Variants in PLOD1 observed in about 807,000 individuals in gnomAD.
PLOD1 encodes the protein procollagen-lysine,2-oxoglutarate 5-dioxygenase 1.
In PLOD1, 70 loss-of-function variants were observed where a neutral mutation model predicts 94.7. The observed-to-expected ratio is 0.74, with a 90% CI of 0.61 to 0.90. The LOEUF (loss-of-function observed/expected upper bound fraction) is 0.90, where lower values mean the gene tolerates loss of function less well. PLOD1 is among the 40% of genes least tolerant of loss of function. The pLI, the probability that PLOD1 is intolerant of heterozygous loss-of-function variation, is 0.00. For synonymous variants in PLOD1, 417 were observed against 400.2 expected (o/e 1.04, Z -0.50); for missense variants, 905 against 972.7 (o/e 0.93, Z 0.93).
chr1:11,956,537 G>C (rs1305604937), intron 6 of PLOD1, among the ~76,000 whole-genome samples: 2 of 152,170 alleles, frequency 1.3e-5, no homozygotes, highest in African/African-American at 2.4e-5. Context: ...TGCCTACTCA[G>C]AGAAGGCGCG....
rs1645726756 is a variant in PLOD1, at chr1:11,954,811, G to A, written c.580-19G>A. The A allele has an allele frequency of 1.2e-6, 2 of 1,601,540 alleles. No individual in the cohort carries two copies. The highest frequency in any genetic ancestry group is 1.1e-5 in the South Asian group (1 of 90,854). On this transcript the variant is annotated intron_variant, in intron 5 of 18. Coordinates refer to ENST00000196061, the MANE Select transcript of PLOD1 (RefSeq NM_000302.4). ...CCAGGGCCTGTCCCTGCTGCAGTCT[G>A]GTACCTTCTTTCCTGCAGGAGCAGA...
At chr1:11,949,508 C>T (rs1416470366) in intron 2 of PLOD1, among the ~76,000 whole-genome samples, 1 of 152,172 alleles carries the variant, frequency 6.6e-6, no homozygotes, top group Non-Finnish European at 1.5e-5. Flanking sequence ...GAACCCCCAC[C>T]TCCCGGGTTC....
chr1:11,959,592 G>A (rs572798267), intron 9 of PLOD1, among the ~76,000 whole-genome samples: 2 of 149,806 alleles, frequency 1.3e-5, no homozygotes, highest in East Asian at 2.0e-4. Flanking sequence ...ACAGGCATGC[G>A]CCATCACAAC....
In PLOD1 at chr1:11,961,851, C is replaced by T. The variant is rs373406106; in HGVS notation, c.1097+1084C>T. Among the ~76,000 whole-genome samples the T allele has an allele frequency of 3.7e-4, 57 of 152,338 alleles. 1 individual carries two copies. The South Asian group carries it at 0.012, about 31-fold the overall frequency. On this transcript the variant is annotated intron_variant, in intron 10 of 18. Coordinates refer to ENST00000196061, the MANE Select transcript of PLOD1 (RefSeq NM_000302.4). ...TCACTCAGGCTGGAGCGCAGTGGCG[C>T]GATCTCGGCTCACTGCAACCTCCCC...
chr1:11,964,326 G>C, intron 12 of PLOD1, 26 bp downstream of exon 12: 1 of 1,530,734 alleles, frequency 6.5e-7, no homozygotes, highest in Admixed American at 1.8e-5. Context: ...GTGGGGGTGG[G>C]TGGGGGACAC....
At chr1:11,954,980 GGGCTGCTTCTTTCT>G in intron 6 of PLOD1, 87 bp downstream of exon 6, 1 of 1,057,978 alleles carries the variant, frequency 9.5e-7, no homozygotes. Context: ...GAGGAGAAAT[GGGCTGCTTCTTTCT>G]GGCCATTGTG....
At chr1:11,942,145 G>C (rs578173236) in intron 1 of PLOD1, among the ~76,000 whole-genome samples, 2 of 151,914 alleles carry the variant, frequency 1.3e-5, no homozygotes, top group East Asian at 3.9e-4. Context: ...ACCACGTCTA[G>C]CTAATTTTTG....
Position 11,970,697 on chromosome 1 carries a change from A to C in PLOD1, c.1783A>C (p.Asn595His). The change falls in exon 17 of 19, where the codon AAC (asparagine) becomes CAC (histidine). Residue 595 changes from asparagine (N) to histidine (H), a missense_variant. By Grantham distance (68) the Asn-to-His change is moderately conservative. Coordinates refer to ENST00000196061, the MANE Select transcript of PLOD1 (RefSeq NM_000302.4). ...CAACCGCATCCAGGGTGGCTACGAG[A>C]ACGTGCCGACTATTGACATCCACAT... is the stretch of plus-strand genomic sequence containing the variant. ...KDNRIQGGYE[N>H]VPTIDIHMNQ... The C allele has an allele frequency of 3.1e-6, 5 of 1,613,248 alleles. No individual in the cohort carries two copies. Among genetic ancestry groups the C allele is most frequent in the Non-Finnish European group, 4.2e-6 (5 of 1,179,922 alleles).
At position 11,967,085 on chromosome 1, in the gene PLOD1, C is replaced by T. The variant is rs1271599884; in HGVS notation, c.1749C>T (p.Asn583=). The T allele has an allele frequency of 1.2e-6, 2 of 1,602,556 alleles. No homozygotes were observed. Among genetic ancestry groups the T allele is most frequent in the Non-Finnish European group, 1.7e-6 (2 of 1,169,564 alleles). The change falls in exon 16 of 19, where the codon AAC becomes AAT. Residue 583 remains asparagine, a synonymous_variant. Transcript: ENST00000196061. ...ACTTTGGCCAGTGGTCTCTGGGCAA[C>T]AACAAGGTGGGACCCTGATGCCTGG... ...MEHFGQWSLG[N]NKDNRIQGGY...
chr1:11,965,513 C>T lies in PLOD1; in HGVS notation c.1504C>T (p.Leu502Phe). 1 of 1,613,672 alleles carries T rather than the reference C, an allele frequency of 6.2e-7. No individual in the cohort carries two copies. The highest frequency in any genetic ancestry group is 8.5e-7 in the Non-Finnish European group (1 of 1,179,824). ...CATGTTCCTGACCAACCGGCACACC[C>T]TTGGCCATCTGCTCTCCCTAGACAG... ...VFMFLTNRHT[L>F]GHLLSLDSYR... The change falls in exon 14 of 19, where the codon CTT becomes TTT. Residue 502 changes from leucine to phenylalanine, a missense_variant. Transcript: ENST00000196061.
At chr1:11,949,573 C>G (rs992622370) in intron 2 of PLOD1, among the ~76,000 whole-genome samples, 200 bp from the exon 3 acceptor site, 1 of 152,176 alleles carries the variant, frequency 6.6e-6, no homozygotes, top group Non-Finnish European at 1.5e-5. Flanking sequence ...GCATGTGCCA[C>G]CACACGCCGC....
chr1:11,962,470 G>A (rs377120284), intron 10 of PLOD1, among the ~76,000 whole-genome samples: 1 of 149,800 alleles, frequency 6.7e-6, no homozygotes, highest in East Asian at 2.0e-4. Flanking sequence ...TAGAGACGGG[G>A]TTTCACCGTG....
At chr1:11,974,137 G>C (rs1645885681) in intron 18 of PLOD1, among the ~76,000 whole-genome samples, 1 of 151,906 alleles carries the variant, frequency 6.6e-6, no homozygotes, top group Non-Finnish European at 1.5e-5. Context: ...GTAAAGAGTG[G>C]AGGTGATGTC....
Position 11,972,932 on chromosome 1 carries a change from C to A in PLOD1, c.1963C>A (p.Pro655Thr). The A allele has an allele frequency of 1.2e-6, 2 of 1,614,030 alleles. No homozygotes were observed. Among genetic ancestry groups the A allele is most frequent in the Non-Finnish European group, 1.7e-6 (2 of 1,179,918 alleles). The change falls in exon 18 of 19, where the codon CCA (proline) becomes ACA (threonine). Residue 655 changes from proline to threonine, a missense_variant. Physicochemically the swap from Pro to Thr is conservative, Grantham distance 38. Coordinates refer to ENST00000196061, the MANE Select transcript of PLOD1 (RefSeq NM_000302.4). This position sits in a 1 kb window ranked among gnomAD's most constrained non-coding sequence, Gnocchi z 4.6. Reference protein sequence around the residue: ...YKPDEQPSLMPHHDASTFTIN... With the variant: ...YKPDEQPSLMTHHDASTFTIN... Reference sequence around the variant, plus strand: ...GCCTGATGAGCAGCCCTCACTGATGCCACACCATGATGCCTCCACCTTCAC... The same window carrying A: ...GCCTGATGAGCAGCCCTCACTGATGACACACCATGATGCCTCCACCTTCAC...
intron 1 of PLOD1, 149 bp from the exon 2 acceptor site, chr1:11,947,824 TATC>T (rs1485502605): frequency 1.5e-6 from 1 of 661,900 alleles, no homozygotes; most frequent in Non-Finnish European, 2.8e-6. Flanking sequence ...TTTCCTGCTC[TATC>T]ATCCTTTCTT....
rs1557501357 is a variant in PLOD1, at chr1:11,972,252, TTC to T, written c.1903-616_1903-615del. On this transcript the variant is annotated intron_variant, in intron 17 of 18. Coordinates refer to ENST00000196061, the MANE Select transcript of PLOD1 (RefSeq NM_000302.4). The surrounding 1 kb of genome is among the most constrained non-coding windows in gnomAD (Gnocchi z 4.6). Reference sequence around the variant, plus strand: ...TCTTTCTTTCTCTCTCTCTTTCTCTTTCTCTGTCTCTTTTTCTTTCTTTTCTT... The same window carrying T: ...TCTTTCTTTCTCTCTCTCTTTCTCTTTCTGTCTCTTTTTCTTTCTTTTCTT... The T allele has an allele frequency of 2.6e-5, 4 of 151,130 alleles. No homozygotes were observed. Among genetic ancestry groups the T allele is most frequent in the Non-Finnish European group, 5.9e-5 (4 of 68,008 alleles). The allele number at this position is 151,130 out of a possible 1,614,324, so 9.4% of individuals were successfully genotyped here.
intron 1 of PLOD1, among the ~76,000 whole-genome samples, chr1:11,941,227 T>C: frequency 6.6e-6 from 1 of 152,226 alleles, no homozygotes; most frequent in South Asian, 2.1e-4. Flanking sequence ...AAAAGTACTT[T>C]GTTTGTTTGT....
intron 16 of PLOD1, among the ~76,000 whole-genome samples, chr1:11,969,020 A>AT (rs936449431): frequency 0.045 from 5,357 of 118,754 alleles, 239 homozygotes; most frequent in African/African-American, 0.098. Flanking sequence ...ACCATGCCTA[A>AT]TTTTTTTTTT....
intron 1 of PLOD1, 91 bp downstream of exon 1, chr1:11,934,946 C>T: frequency 6.9e-7 from 1 of 1,445,502 alleles, no homozygotes; most frequent in South Asian, 1.3e-5. Flanking sequence ...GAATGGGAGG[C>T]CTGGGCTGGA....
Sources: gnomAD v4.1 joint callset for allele counts (sites outside exome capture counted in the v4.1 genomes callset) on GRCh38, gnomAD v4.1.1 for gene constraint, Gnocchi (gnomAD v3.1) non-coding constraint, MANE v1.5 for transcripts, NCBI Gene and HGNC (gene_info 2026-07-23, HGNC 2026-07-21) for gene names.